PHEX: variants seen among roughly 807,000 people sequenced by gnomAD.
PHEX encodes phosphate-regulating neutral endopeptidase PHEX.
Under a neutral mutation model 68.0 loss-of-function variants are expected in PHEX, and 16 were observed. That is an observed-to-expected ratio of 0.24 (90% CI 0.16 to 0.36). PHEX has a LOEUF of 0.36. Ranked by LOEUF, PHEX falls within the 10% of genes least tolerant of loss-of-function variation. PHEX has a pLI of 1.00. For synonymous variants in PHEX, 208 were observed against 205.1 expected (o/e 1.01, Z -0.12); for missense variants, 480 against 575.5 (o/e 0.83, Z 1.70).
chrX:22,163,791 T>A (rs1341357571), intron 12 of PHEX, among the ~76,000 whole-genome samples: 1 of 112,187 alleles, frequency 8.9e-6, no homozygotes, highest in Non-Finnish European at 1.9e-5. Flanking sequence ...CATCAAACTA[T>A]TGGTGCTTCA....
chrX:22,058,481 C>T (rs1276531507), intron 3 of PHEX, among the ~76,000 whole-genome samples: 1 of 112,255 alleles, frequency 8.9e-6, no homozygotes, highest in Admixed American at 9.5e-5. Flanking sequence ...ATATTGTGAT[C>T]TAGTTTTTTT....
intron 9 of PHEX, among the ~76,000 whole-genome samples, chrX:22,108,394 A>G (rs1183336796): frequency 1.8e-5 from 2 of 111,473 alleles, no homozygotes; most frequent in Non-Finnish European, 3.8e-5. Context: ...TAAAAAAACT[A>G]TAGATTGGAT....
chrX:22,211,521 G>A (rs903438881), intron 15 of PHEX, among the ~76,000 whole-genome samples: 1 of 112,364 alleles, frequency 8.9e-6, no homozygotes, highest in African/African-American at 3.2e-5. Flanking sequence ...GTATTTTGTA[G>A]CTTGTATGTG....
intron 3 of PHEX, among the ~76,000 whole-genome samples, chrX:22,072,577 A>G (rs959572023): frequency 4.4e-5 from 5 of 112,424 alleles, no homozygotes; most frequent in African/African-American, 1.3e-4. Context: ...AATGAAGTCT[A>G]TGTAATGGGA....
intron 9 of PHEX, among the ~76,000 whole-genome samples, chrX:22,102,084 ACT>A (rs1930456230): frequency 8.9e-6 from 1 of 111,780 alleles, no homozygotes; most frequent in Non-Finnish European, 1.9e-5. Context: ...ATCCAATTAT[ACT>A]GTTTTATTTA....
At chrX:22,059,897 T>C (rs762064039) in intron 3 of PHEX, among the ~76,000 whole-genome samples, 7 of 112,055 alleles carry the variant, frequency 6.2e-5, no homozygotes, top group Non-Finnish European at 9.4e-5. Flanking sequence ...ACCCTTGAAC[T>C]GATTAAATGC....
chrX:22,249,146 G>T lies in PHEX; in HGVS notation c.*1193G>T, dbSNP rs1936478836. 1 of 107,861 alleles carries T rather than the reference G, an allele frequency of 9.3e-6. No homozygotes were observed. Among genetic ancestry groups the T allele is most frequent in the Non-Finnish European group, 1.9e-5 (1 of 52,400 alleles). 8.9% of individuals were successfully genotyped at this position (107,861 alleles called of 1,213,427 possible). A position where few individuals can be genotyped will look rare whatever the true frequency, so the allele number is the denominator to read the frequency against. The stretch of plus-strand genomic sequence containing the variant: ...ATCTAAAGAGTTGTGAGAAAGAGCA[G>T]TACTATGTGTTTTATCCTTAGAGCA... On this transcript the variant is annotated 3_prime_UTR_variant, in exon 22 of 22. Transcript: ENST00000379374.
intron 9 of PHEX, among the ~76,000 whole-genome samples, chrX:22,101,030 G>T (rs976392931): frequency 2.7e-5 from 3 of 110,703 alleles, no homozygotes; most frequent in Non-Finnish European, 5.7e-5. Context: ...ACAAAATTTA[G>T]CTGGGCGTGG....
At chrX:22,055,190 A>C (rs199497849) in intron 3 of PHEX, among the ~76,000 whole-genome samples, 26 of 28,719 alleles carry the variant, frequency 9.1e-4, no homozygotes, top group African/African-American at 1.9e-3. Flanking sequence ...AAAAAAAAAA[A>C]AAAAAAAAAA....
chrX:22,050,545 T>C (rs1471265213), intron 3 of PHEX, among the ~76,000 whole-genome samples: 2 of 91,437 alleles, frequency 2.2e-5, no homozygotes, highest in African/African-American at 8.7e-5. Context: ...CACTCCAGTC[T>C]GGGCGACAGA....
chrX:22,065,475 G>T (rs1184059493), intron 3 of PHEX, among the ~76,000 whole-genome samples: 1 of 111,106 alleles, frequency 9.0e-6, no homozygotes, highest in Non-Finnish European at 1.9e-5. Context: ...CACCAGGCTG[G>T]AGTGCTGTGG....
intron 2 of PHEX, 67 bp downstream of exon 2, chrX:22,038,604 C>G: frequency 1.4e-6 from 1 of 709,395 alleles, no homozygotes; most frequent in South Asian, 2.1e-5. Context: ...GAAGAGAAGA[C>G]AGGTGGTATT....
In PHEX at chrX:22,218,892, C is replaced by T. The variant is rs1206648351; in HGVS notation, c.1701-144C>T. 1.1e-5 allele frequency: 5 copies of T among 448,000 alleles called. No individual in the cohort carries two copies. In the Admixed American group the frequency reaches 1.5e-4, roughly 13 times the overall value. 36.9% of individuals were successfully genotyped at this position (448,000 alleles called of 1,213,427 possible). On this transcript the variant is annotated intron_variant, in intron 16 of 21. Transcript: ENST00000379374. ...TTGGAAGGTATGTTTAGATTTTTTA[C>T]AGCTTTATGGGTATGGTTATTCGAT...
At chrX:22,226,304 C>T in intron 18 of PHEX, 139 bp from the exon 19 acceptor site, 1 of 490,670 alleles carries the variant, frequency 2.0e-6, no homozygotes, top group Non-Finnish European at 3.6e-6. Flanking sequence ...TATATTATGC[C>T]TACCTCTGAT....
At chrX:22,056,620 G>A (rs1371397500) in intron 3 of PHEX, among the ~76,000 whole-genome samples, 1 of 109,825 alleles carries the variant, frequency 9.1e-6, no homozygotes, top group Non-Finnish European at 1.9e-5. Flanking sequence ...GGACAATATG[G>A]TGAAACCCTG....
chrX:22,232,584 T>C (rs1393763783), intron 20 of PHEX, among the ~76,000 whole-genome samples: 7 of 95,731 alleles, frequency 7.3e-5, no homozygotes, highest in African/African-American at 2.8e-4. Flanking sequence ...GAGATTAGGA[T>C]TGCCACTTCT....
At chrX:22,042,799 A>G (rs1201569158) in intron 2 of PHEX, among the ~76,000 whole-genome samples, 1 of 110,390 alleles carries the variant, frequency 9.1e-6, no homozygotes, top group African/African-American at 3.4e-5. Context: ...TGGGCAACAT[A>G]GTGAGACTCC....
At chrX:22,146,692 C>T (rs773681652) in intron 12 of PHEX, among the ~76,000 whole-genome samples, 4 of 110,517 alleles carry the variant, frequency 3.6e-5, no homozygotes, top group Non-Finnish European at 7.6e-5. Flanking sequence ...TGGCACGCAC[C>T]TGTAATCCCA....
At chrX:22,105,495 G>C (rs1219866010) in intron 9 of PHEX, among the ~76,000 whole-genome samples, 1 of 111,811 alleles carries the variant, frequency 8.9e-6, no homozygotes, top group African/African-American at 3.3e-5. Flanking sequence ...GCTGGCTCAG[G>C]GACACACTTT....
Sources: gnomAD v4.1 joint callset for allele counts (sites outside exome capture counted in the v4.1 genomes callset) on GRCh38, gnomAD v4.1.1 for gene constraint, MANE v1.5 for transcripts, NCBI Gene and HGNC (gene_info 2026-07-23, HGNC 2026-07-21) for gene names.